Variants in CLIP3 observed in about 807,000 individuals in gnomAD.
The protein encoded by CLIP3 is CAP-Gly domain containing linker protein 3, also known as CAP-Gly domain-containing linker protein 3.
In CLIP3, 15 loss-of-function variants were observed where a neutral mutation model predicts 59.4. The observed-to-expected ratio is 0.25, with a 90% confidence interval of 0.17 to 0.39. The LOEUF (loss-of-function observed/expected upper bound fraction) is 0.39, where lower values mean the gene tolerates loss of function less well. Among genes scored for constraint, CLIP3 ranks in the 10% least tolerant of loss-of-function variants. The probability of loss-of-function intolerance (pLI) is 1.00; values close to 1 mark genes in which losing one functional copy is unlikely to be tolerated. For synonymous variants in CLIP3, 300 were observed against 321.6 expected (o/e 0.93, Z 0.72); for missense variants, 495 against 765.7 (o/e 0.65, Z 4.17).
intron 2 of CLIP3, among the ~76,000 whole-genome samples, chr19:36,031,023 C>CTT (rs55762943): frequency 0.022 from 1,756 of 80,148 alleles, 112 homozygotes; most frequent in African/African-American, 0.074. Flanking sequence ...TTTTTTTTTT[C>CTT]TTTTTTTTTT....
In CLIP3 at chr19:36,026,077, G is replaced by T; in HGVS notation, c.681+70C>A. 8.4e-7 allele frequency: 1 copy of T among 1,194,514 alleles called. No homozygotes were observed. 74.0% of individuals were successfully genotyped at this position (1,194,514 alleles called of 1,614,324 possible). A position where few individuals can be genotyped will look rare whatever the true frequency, so the allele number is the denominator to read the frequency against. On this transcript the variant is annotated intron_variant, in intron 6 of 13. Coordinates refer to ENST00000360535, the MANE Select transcript of CLIP3 (RefSeq NM_015526.3). This position sits in a 1 kb window ranked among gnomAD's most constrained non-coding sequence, Gnocchi z 6.3. ...TTTGGGGAGTCACGGGAAACGCAGA[G>T]ACCTGCTGGAGGGAAGTGGGGGAGG...
chr19:36,024,268 G>T, intron 7 of CLIP3, 128 bp downstream of exon 7: 1 of 725,818 alleles, frequency 1.4e-6, no homozygotes, highest in Admixed American at 2.5e-5. Context: ...CAAGTACTGG[G>T]TGGATAGTTA....
In CLIP3 at chr19:36,016,536, C is replaced by A. The variant is rs1451386680; in HGVS notation, c.1590-324G>T. On this transcript the variant is annotated intron_variant, in intron 13 of 13. Transcript: ENST00000360535. This position sits in a 1 kb window ranked among gnomAD's most constrained non-coding sequence, Gnocchi z 4.1. ...CTAACTTTTGTGTTTTTGGTAGAGA[C>A]GGGGTTTCACCATGTTGGCCAGGCT... Among the ~76,000 whole-genome samples the A allele has an allele frequency of 1.3e-5, 2 of 152,138 alleles. No individual in the cohort carries two copies.
In CLIP3 at chr19:36,019,036, C is replaced by G; in HGVS notation, c.1055-10G>C. 6.3e-7 allele frequency: 1 copy of G among 1,583,450 alleles called. No individual in the cohort carries two copies. The highest frequency in any genetic ancestry group is 8.6e-7 in the Non-Finnish European group (1 of 1,163,240). ...ACGGAGGCAAAGAGACCTAGGGGTA[C>G]AGAATCCGAGCCTGGTGTTGTCCAA... On this transcript the variant is annotated splice_polypyrimidine_tract_variant and intron_variant, in intron 8 of 13. Coordinates refer to ENST00000360535, the MANE Select transcript of CLIP3 (RefSeq NM_015526.3).
intron 7 of CLIP3, among the ~76,000 whole-genome samples, chr19:36,020,376 G>A (rs1968922429): frequency 6.6e-6 from 1 of 152,178 alleles, no homozygotes; most frequent in African/African-American, 2.4e-5. Flanking sequence ...GCCGAGGTGG[G>A]AGGATCACCT....
At chr19:36,021,537 C>T (rs556744924) in intron 7 of CLIP3, among the ~76,000 whole-genome samples, 15 of 152,318 alleles carry the variant, frequency 9.8e-5, no homozygotes, top group Admixed American at 3.9e-4. Context: ...GATCCTCTCA[C>T]TTCAGCCTCC....
intron 7 of CLIP3, 51 bp from the exon 8 acceptor site, chr19:36,019,357 C>A (rs370084643): frequency 6.4e-7 from 1 of 1,565,750 alleles, no homozygotes; most frequent in South Asian, 1.1e-5. Flanking sequence ...GGGAGGCCAA[C>A]GTGGAGTGCC....
In CLIP3 at chr19:36,026,752, G is replaced by A. The variant is rs138291759; in HGVS notation, c.401-5C>T. 0.036 allele frequency: 57,094 copies of A among 1,592,766 alleles called. 1,111 individuals are homozygous for A. The highest frequency in any genetic ancestry group is 0.041 in the Non-Finnish European group (48,097 of 1,174,048). ...GCACGGCTGCCGCGGGGTCCCCTGC[G>A]CGATAGGCCGGGTCAGCTTGGAACC... On this transcript the variant is annotated splice_region_variant and splice_polypyrimidine_tract_variant and intron_variant, in intron 4 of 13. Transcript: ENST00000360535. This position sits in a 1 kb window ranked among gnomAD's most constrained non-coding sequence, Gnocchi z 6.3.
intron 7 of CLIP3, 64 bp from the exon 8 acceptor site, chr19:36,019,370 C>T (rs748417783): frequency 1.3e-6 from 2 of 1,551,910 alleles, no homozygotes; most frequent in South Asian, 2.3e-5. Context: ...GGAGTGCCCA[C>T]ACACGGGCAG....
At chr19:36,017,229 G>C (rs1016599203) in intron 12 of CLIP3, among the ~76,000 whole-genome samples, 157 bp downstream of exon 12, 1 of 152,018 alleles carries the variant, frequency 6.6e-6, no homozygotes, top group Non-Finnish European at 1.5e-5. Context: ...ATATCCTCTA[G>C]CACCTATCTT....
chr19:36,017,555 G>A, intron 11 of CLIP3, 100 bp downstream of exon 11: 1 of 1,596,366 alleles, frequency 6.3e-7, no homozygotes, highest in Non-Finnish European at 8.6e-7. Context: ...GGGCTCGGGG[G>A]TGTCCACACT....
At chr19:36,018,801 G>T (rs1968870673) in intron 9 of CLIP3, 97 bp downstream of exon 9, 1 of 1,480,298 alleles carries the variant, frequency 6.8e-7, no homozygotes, top group East Asian at 2.3e-5. Flanking sequence ...TCCAAAACTG[G>T]AGTTTGGGCC....
At chr19:36,020,762 A>G (rs1879372899) in intron 7 of CLIP3, among the ~76,000 whole-genome samples, 1 of 152,160 alleles carries the variant, frequency 6.6e-6, no homozygotes, top group Non-Finnish European at 1.5e-5. Context: ...CCATTACAGA[A>G]AGCTCTGTTG....
At position 36,026,644 on chromosome 19, in the gene CLIP3, C is replaced by T. The variant is rs150506662; in HGVS notation, c.504G>A (p.Ala168=). ...RWTNMNALHY[A]AYFDVPDLVR... ...CGAGGTCGGGCACATCAAAATAGGCCGCGTAGTGAAGCGCGTTCATGTTGG... is the reference window on the plus strand; with the variant it reads ...CGAGGTCGGGCACATCAAAATAGGCTGCGTAGTGAAGCGCGTTCATGTTGG... The change falls in exon 5 of 14, where the codon GCG becomes GCA. Residue 168 remains alanine, a synonymous_variant. Coordinates refer to ENST00000360535, the MANE Select transcript of CLIP3 (RefSeq NM_015526.3). This position sits in a 1 kb window ranked among gnomAD's most constrained non-coding sequence, Gnocchi z 6.3. 2 of 1,613,536 alleles carry T rather than the reference C, an allele frequency of 1.2e-6. No individual in the cohort carries two copies. Among genetic ancestry groups the T allele is most frequent in the South Asian group, 2.2e-5 (2 of 91,058 alleles).
At chr19:36,019,051 GTGT>G (rs746880058) in intron 8 of CLIP3, 25 bp from the exon 9 acceptor site, 23 of 1,583,482 alleles carry the variant, frequency 1.5e-5, no homozygotes, top group Non-Finnish European at 1.9e-5. Flanking sequence ...TCCGAGCCTG[GTGT>G]TGTCCAAGCC....
chr19:36,026,073 C>A lies in CLIP3; in HGVS notation c.681+74G>T. The A allele has an allele frequency of 8.6e-7, 1 of 1,162,264 alleles. No individual in the cohort carries two copies. Among genetic ancestry groups the A allele is most frequent in the Non-Finnish European group, 1.3e-6 (1 of 780,948 alleles). 72.0% of individuals were successfully genotyped at this position (1,162,264 alleles called of 1,614,324 possible). A position where few individuals can be genotyped will look rare whatever the true frequency, so the allele number is the denominator to read the frequency against. ...AGTATTTGGGGAGTCACGGGAAACGCAGAGACCTGCTGGAGGGAAGTGGGG... is the reference window on the plus strand; with the variant it reads ...AGTATTTGGGGAGTCACGGGAAACGAAGAGACCTGCTGGAGGGAAGTGGGG... On this transcript the variant is annotated intron_variant, in intron 6 of 13. Coordinates refer to ENST00000360535, the MANE Select transcript of CLIP3 (RefSeq NM_015526.3). The surrounding 1 kb of genome is among the most constrained non-coding windows in gnomAD (Gnocchi z 6.3).
Position 36,014,781 on chromosome 19 carries a change from G to A in CLIP3, c.*1377C>T, listed in dbSNP as rs1043822. ...GCCCCAGGTCCGCCCTGGACCCCCT[G>A]GGCCTTCAGGTTCTCCCTCGAGCTG... On this transcript the variant is annotated 3_prime_UTR_variant, in exon 14 of 14. Transcript: ENST00000360535. The A allele has an allele frequency of 0.14, 21,926 of 159,830 alleles. 1,858 individuals are homozygous for A. The highest frequency in any genetic ancestry group is 0.26 in the Admixed American group (3,920 of 15,318). The allele number at this position is 159,830 out of a possible 1,614,324, so 9.9% of individuals were successfully genotyped here. A position where few individuals can be genotyped will look rare whatever the true frequency, so the allele number is the denominator to read the frequency against.
rs767978213 is a variant in CLIP3, at chr19:36,032,187, G to C, written c.166+5C>G. On this transcript the variant is annotated splice_donor_5th_base_variant and intron_variant, in intron 2 of 13. Coordinates refer to ENST00000360535, the MANE Select transcript of CLIP3 (RefSeq NM_015526.3). This position sits in a 1 kb window ranked among gnomAD's most constrained non-coding sequence, Gnocchi z 4.3. The stretch of plus-strand genomic sequence containing the variant: ...GCCAGATTCCAGGGTGGGGACAGTG[G>C]TTACCGTAGTCCTTAGGGAGGGGGG... 7.9e-6 allele frequency: 10 copies of C among 1,265,214 alleles called. No homozygotes were observed. Among genetic ancestry groups the C allele is most frequent in the Non-Finnish European group, 1.0e-5 (10 of 994,322 alleles). 78.4% of individuals were successfully genotyped at this position (1,265,214 alleles called of 1,614,324 possible).
intron 7 of CLIP3, among the ~76,000 whole-genome samples, chr19:36,023,320 C>T (rs908646874): frequency 1.3e-5 from 2 of 152,080 alleles, no homozygotes; most frequent in African/African-American, 4.8e-5. Context: ...TCCACCTCAC[C>T]GCCCTTCCCA....
Sources: allele counts gnomAD v4.1 joint callset (sites outside exome capture counted in the v4.1 genomes callset), GRCh38; gene constraint gnomAD v4.1.1; non-coding constraint Gnocchi (gnomAD v3.1); transcripts MANE v1.5; gene names NCBI Gene and HGNC (gene_info 2026-07-23, HGNC 2026-07-21).